Variants in TNFRSF8 observed in about 807,000 individuals in gnomAD.
The protein encoded by TNFRSF8 is tumor necrosis factor receptor superfamily member 8.
A neutral mutation model predicts 70.8 loss-of-function variants in TNFRSF8; 26 were observed. That is an observed-to-expected ratio of 0.37 (90% CI 0.27 to 0.51). The LOEUF is 0.51. TNFRSF8 is among the 20% of genes least tolerant of loss of function. The pLI is 0.94. For synonymous variants in TNFRSF8, 356 were observed against 339.2 expected (o/e 1.05, Z -0.54); for missense variants, 720 against 807.9 (o/e 0.89, Z 1.32).
At position 12,109,726 on chromosome 1, in the gene TNFRSF8, G is replaced by A. The variant is rs1383036429; in HGVS notation, c.512+70G>A. The A allele has an allele frequency of 7.5e-7, 1 of 1,332,694 alleles. No individual in the cohort carries two copies. The highest frequency in any genetic ancestry group is 1.4e-5 in the African/African-American group (1 of 69,660). 82.6% of individuals were successfully genotyped at this position (1,332,694 alleles called of 1,614,324 possible). A position where few individuals can be genotyped will look rare whatever the true frequency, so the allele number is the denominator to read the frequency against. On this transcript the variant is annotated intron_variant, in intron 5 of 14. Coordinates refer to ENST00000263932, the MANE Select transcript of TNFRSF8 (RefSeq NM_001243.5). This position sits in a 1 kb window ranked among gnomAD's most constrained non-coding sequence, Gnocchi z 4.4. ...TCAGATGAGGCTGCCCCACCCCACAGGACGCCCATGGTACAACTGGGCTGG... is the reference window on the plus strand; with the variant it reads ...TCAGATGAGGCTGCCCCACCCCACAAGACGCCCATGGTACAACTGGGCTGG...
intron 13 of TNFRSF8, among the ~76,000 whole-genome samples, chr1:12,137,602 A>C (rs775291265): frequency 2.7e-5 from 4 of 150,334 alleles, no homozygotes; most frequent in Non-Finnish European, 5.9e-5. Flanking sequence ...ATATTTATTA[A>C]TAATATACAT....
intron 1 of TNFRSF8, among the ~76,000 whole-genome samples, chr1:12,079,291 C>A (rs188914330): frequency 1.4e-4 from 21 of 152,152 alleles, no homozygotes; most frequent in Non-Finnish European, 2.5e-4. Context: ...TAAGGTGGGG[C>A]GGAGGGCCTC....
chr1:12,140,321 C>A (rs974942487), intron 14 of TNFRSF8, among the ~76,000 whole-genome samples: 8 of 152,164 alleles, frequency 5.3e-5, no homozygotes, highest in African/African-American at 1.9e-4. Flanking sequence ...AATGCCAGCC[C>A]AGGGTAGCGT....
intron 14 of TNFRSF8, among the ~76,000 whole-genome samples, chr1:12,140,897 C>T (rs185033949): frequency 4.5e-4 from 69 of 152,202 alleles, no homozygotes; most frequent in African/African-American, 1.4e-3. Context: ...TCACCACCCC[C>T]GGCCCCCATC....
chr1:12,130,603 G>A (rs1454793082), intron 12 of TNFRSF8, among the ~76,000 whole-genome samples: 1 of 152,214 alleles, frequency 6.6e-6, no homozygotes, highest in East Asian at 1.9e-4. Context: ...GAGAGGGGAG[G>A]GGACTAAAAG....
In TNFRSF8 at chr1:12,142,737, G is replaced by A. The variant is rs1570096580; in HGVS notation, c.*206G>A. 2 of 644,088 alleles carry A rather than the reference G, an allele frequency of 3.1e-6. No individual in the cohort carries two copies. Among genetic ancestry groups the A allele is most frequent in the Admixed American group, 6.0e-5 (2 of 33,264 alleles). 39.9% of individuals were successfully genotyped at this position (644,088 alleles called of 1,614,324 possible). A position where few individuals can be genotyped will look rare whatever the true frequency, so the allele number is the denominator to read the frequency against. On this transcript the variant is annotated 3_prime_UTR_variant, in exon 15 of 15. Coordinates refer to ENST00000263932, the MANE Select transcript of TNFRSF8 (RefSeq NM_001243.5). The surrounding 1 kb of genome is among the most constrained non-coding windows in gnomAD (Gnocchi z 5.0). ...AGCTGTCCCCTGACCCAGAGCCTAGGGGATCCGGGGCTTGTACAGAAGAGA... is the reference window on the plus strand; with the variant it reads ...AGCTGTCCCCTGACCCAGAGCCTAGAGGATCCGGGGCTTGTACAGAAGAGA...
rs1390284022 is a variant in TNFRSF8 at position 12,110,685 on chromosome 1, A to G, written c.676+481A>G. On this transcript the variant is annotated intron_variant, in intron 6 of 14. Coordinates refer to ENST00000263932, the MANE Select transcript of TNFRSF8 (RefSeq NM_001243.5). The surrounding 1 kb of genome is among the most constrained non-coding windows in gnomAD (Gnocchi z 4.0). ...GCAATCTCGGCTCACTGCCACCTCCACCTCCTGGGTTCAAGCGATTCTCCT... is the reference window on the plus strand; with the variant it reads ...GCAATCTCGGCTCACTGCCACCTCCGCCTCCTGGGTTCAAGCGATTCTCCT... Among the ~76,000 whole-genome samples the G allele has an allele frequency of 2.0e-5, 3 of 151,316 alleles. No homozygotes were observed. The highest frequency in any genetic ancestry group is 7.3e-5 in the African/African-American group (3 of 41,224).
chr1:12,135,930 A>G (rs1642137590), intron 13 of TNFRSF8, among the ~76,000 whole-genome samples: 1 of 152,256 alleles, frequency 6.6e-6, no homozygotes, highest in African/African-American at 2.4e-5. Flanking sequence ...GGGCCTGCAC[A>G]CAGTGGATTT....
chr1:12,076,865 G>A (rs11569797), intron 1 of TNFRSF8, among the ~76,000 whole-genome samples: 17 of 152,164 alleles, frequency 1.1e-4, no homozygotes, highest in Non-Finnish European at 1.6e-4. Context: ...TGAGTTCGGC[G>A]TGTGGTGGTA....
rs574615838 is a variant in TNFRSF8, at chr1:12,141,808, C to T, written c.1544-479C>T. ...TTTTTTGGGGGATTTCTCCTAACTA[C>T]GTGGCGACCTTGGGCAGGTCATTTA... On this transcript the variant is annotated intron_variant, in intron 14 of 14. Coordinates refer to ENST00000263932, the MANE Select transcript of TNFRSF8 (RefSeq NM_001243.5). The surrounding 1 kb of genome is among the most constrained non-coding windows in gnomAD (Gnocchi z 5.4). Among the ~76,000 whole-genome samples, 5 of 152,216 alleles carry T rather than the reference C, an allele frequency of 3.3e-5. No homozygotes were observed. Among genetic ancestry groups the T allele is most frequent in the East Asian group, 3.9e-4 (2 of 5,172 alleles).
intron 2 of TNFRSF8, among the ~76,000 whole-genome samples, chr1:12,096,494 G>A (rs919819958): frequency 2.0e-5 from 3 of 151,560 alleles, no homozygotes; most frequent in East Asian, 1.9e-4. Flanking sequence ...ATGAGTTTGC[G>A]TTGGGCCTCA....
chr1:12,127,357 C>T (rs909643697), intron 12 of TNFRSF8, among the ~76,000 whole-genome samples: 14 of 152,234 alleles, frequency 9.2e-5, no homozygotes, highest in African/African-American at 3.1e-4. Flanking sequence ...GCAAGGTGGA[C>T]GGCTGGCCCA....
chr1:12,130,044 A>T (rs1352266135), intron 12 of TNFRSF8, among the ~76,000 whole-genome samples: 2 of 152,082 alleles, frequency 1.3e-5, no homozygotes, highest in African/African-American at 4.8e-5. Context: ...GGCTGGGATT[A>T]CAGGCGTGTG....
chr1:12,073,459 CTTTCTTCTTCCTTCTTCT>C (rs1465766079), intron 1 of TNFRSF8, among the ~76,000 whole-genome samples: 2 of 147,734 alleles, frequency 1.4e-5, no homozygotes, highest in African/African-American at 5.3e-5. Flanking sequence ...TCCTTCCTTC[CTTTCTTCTTCCTTCTTCT>C]TTTCTTCTTC....
intron 13 of TNFRSF8, among the ~76,000 whole-genome samples, chr1:12,137,146 CTT>C (rs1049779008): frequency 2.2e-4 from 33 of 152,188 alleles, no homozygotes; most frequent in Admixed American, 5.9e-4. Context: ...GTAGAACAAA[CTT>C]TATTTTTCTA....
chr1:12,098,907 T>C (rs993251647), intron 3 of TNFRSF8, among the ~76,000 whole-genome samples: 1 of 152,246 alleles, frequency 6.6e-6, no homozygotes, highest in African/African-American at 2.4e-5. Flanking sequence ...TACTTTGTCA[T>C]AATCTATAAT....
At chr1:12,102,406 T>C (rs1641440862) in intron 3 of TNFRSF8, among the ~76,000 whole-genome samples, 1 of 152,254 alleles carries the variant, frequency 6.6e-6, no homozygotes, top group Admixed American at 6.5e-5. Flanking sequence ...TCTGATCTTA[T>C]CTGTCCTCTG....
In TNFRSF8 at chr1:12,142,780, A is replaced by T. The variant is rs910054990; in HGVS notation, c.*249A>T. ...AGAAGAGACAGTCCAAGGGGACTGG[A>T]TCCCAGCAGTGATGTTGGTTGAGGC... is the stretch of plus-strand genomic sequence containing the variant. On this transcript the variant is annotated 3_prime_UTR_variant, in exon 15 of 15. Transcript: ENST00000263932. This position sits in a 1 kb window ranked among gnomAD's most constrained non-coding sequence, Gnocchi z 5.0. 1.0e-5 allele frequency: 5 copies of T among 500,680 alleles called. No individual in the cohort carries two copies. The highest frequency in any genetic ancestry group is 1.8e-5 in the Non-Finnish European group (5 of 282,512). The allele number at this position is 500,680 out of a possible 1,614,324, so 31.0% of individuals were successfully genotyped here.
chr1:12,090,683 A>G (rs1641234346), intron 2 of TNFRSF8, among the ~76,000 whole-genome samples: 1 of 152,120 alleles, frequency 6.6e-6, no homozygotes, highest in Admixed American at 6.6e-5. Context: ...CAGACCCTAG[A>G]GATTCAACCA....
Sources: gnomAD v4.1 joint callset for allele counts (sites outside exome capture counted in the v4.1 genomes callset) on GRCh38, gnomAD v4.1.1 for gene constraint, Gnocchi (gnomAD v3.1) non-coding constraint, MANE v1.5 for transcripts, NCBI Gene and HGNC (gene_info 2026-07-23, HGNC 2026-07-21) for gene names.